DCC: variants seen among roughly 807,000 people sequenced by gnomAD.
The protein encoded by DCC is DCC netrin 1 receptor.
DCC carries 58 observed loss-of-function variants against 172.5 expected under a neutral mutation model. The observed-to-expected ratio is 0.34, with a 90% CI of 0.27 to 0.42. The LOEUF (loss-of-function observed/expected upper bound fraction) is 0.42, where lower values mean the gene tolerates loss of function less well. Ranked by LOEUF, DCC falls within the 10% of genes least tolerant of loss-of-function variation. The pLI, the probability that DCC is intolerant of heterozygous loss-of-function variation, is 1.00. For synonymous variants in DCC, 709 were observed against 644.5 expected (o/e 1.10, Z -1.52); for missense variants, 1,740 against 1,791.0 (o/e 0.97, Z 0.51).
chr18:52,977,020 G>A (rs2041129277), intron 5 of DCC, among the ~76,000 whole-genome samples: 1 of 152,198 alleles, frequency 6.6e-6, no homozygotes, highest in South Asian at 2.1e-4. Context: ...AGGCATTGGT[G>A]TGACAATGGA....
intron 2 of DCC, among the ~76,000 whole-genome samples, chr18:52,879,412 CTTTTTTTTTTTTTTTT>C (rs71175533): frequency 4.8e-5 from 3 of 62,354 alleles, no homozygotes; most frequent in Non-Finnish European, 8.7e-5. Context: ...TGTTGTTTGG[CTTTTTTTTTTTTTTTT>C]TTTTTTTTTT....
chr18:52,751,897 T>A, intron 1 of DCC, 157 bp from the exon 2 acceptor site: 3 of 654,298 alleles, frequency 4.6e-6, no homozygotes, highest in South Asian at 3.9e-5. Flanking sequence ...TTTTTGCTTA[T>A]TTAACATAAT....
At chr18:53,031,776 C>T (rs535775905) in intron 5 of DCC, among the ~76,000 whole-genome samples, 1 of 151,914 alleles carries the variant, frequency 6.6e-6, no homozygotes, top group Non-Finnish European at 1.5e-5. Flanking sequence ...GGGAAGGACT[C>T]CTAAGGTTTT....
At position 52,617,921 on chromosome 18, in the gene DCC, T is replaced by C. The variant is rs182652517; in HGVS notation, c.92-134133T>C. Among the ~76,000 whole-genome samples, 447 of 152,324 alleles carry C rather than the reference T, an allele frequency of 2.9e-3. 1 individual carries two copies. The highest frequency in any genetic ancestry group is 4.4e-3 in the Non-Finnish European group (296 of 68,022). ...AGTAACTTCTCATTCATTTGAGCCA[T>C]GTCTATATAGCCTAAGGCCTGGCTC... is the stretch of plus-strand genomic sequence containing the variant. On this transcript the variant is annotated intron_variant, in intron 1 of 28. Coordinates refer to ENST00000442544, the MANE Select transcript of DCC (RefSeq NM_005215.4).
chr18:53,241,562 A>G (rs1196827318), intron 12 of DCC, among the ~76,000 whole-genome samples: 1 of 152,072 alleles, frequency 6.6e-6, no homozygotes, highest in Non-Finnish European at 1.5e-5. Context: ...GCACACTGAG[A>G]GTGGAGAAAA....
At chr18:53,440,532 A>G (rs1912210879) in intron 22 of DCC, among the ~76,000 whole-genome samples, 10 of 152,060 alleles carry the variant, frequency 6.6e-5, no homozygotes, top group Admixed American at 6.5e-4. Context: ...TAACATTTTA[A>G]CCAATGTAAA....
intron 1 of DCC, among the ~76,000 whole-genome samples, chr18:52,740,068 C>T (rs1599063725): frequency 1.3e-5 from 2 of 152,302 alleles, no homozygotes; most frequent in South Asian, 4.1e-4. Flanking sequence ...CAGTTTCCTT[C>T]AGGTGAAGAC....
At chr18:52,552,790 CAT>C (rs1215600009) in intron 1 of DCC, among the ~76,000 whole-genome samples, 3 of 151,930 alleles carry the variant, frequency 2.0e-5, no homozygotes, top group African/African-American at 2.4e-5. Context: ...TTCTAATTGA[CAT>C]GTGTAGATGT....
At chr18:52,340,912 C>T (rs1315345797) in intron 1 of DCC, 34 bp downstream of exon 1, 2 of 1,434,534 alleles carry the variant, frequency 1.4e-6, no homozygotes, top group Admixed American at 1.7e-5. Context: ...TCGTCGCACC[C>T]CCTTCCGTAC....
chr18:52,502,255 T>C (rs2031050336), intron 1 of DCC, among the ~76,000 whole-genome samples: 1 of 152,068 alleles, frequency 6.6e-6, no homozygotes, highest in African/African-American at 2.4e-5. Context: ...AATAATGCAG[T>C]AAATAAAGAA....
At chr18:52,798,525 T>C (rs2037921204) in intron 2 of DCC, among the ~76,000 whole-genome samples, 1 of 151,958 alleles carries the variant, frequency 6.6e-6, no homozygotes, top group Admixed American at 6.5e-5. Context: ...AACTTTCTAA[T>C]ACAATTAGAG....
Position 53,124,900 on chromosome 18 carries a change from G to T in DCC, c.1262-32456G>T, listed in dbSNP as rs142250071. Among the ~76,000 whole-genome samples the T allele has an allele frequency of 2.6e-4, 40 of 151,928 alleles. 1 individual carries two copies. In the East Asian group the frequency reaches 7.4e-3, roughly 28 times the overall value. On this transcript the variant is annotated intron_variant, in intron 7 of 28. Transcript: ENST00000442544. ...CAGGAGAATAGCTTGAACCCAGGAGGTGGAGGTTGCAGTGAGCTAAGATCT... is the reference window on the plus strand; with the variant it reads ...CAGGAGAATAGCTTGAACCCAGGAGTTGGAGGTTGCAGTGAGCTAAGATCT...
chr18:53,046,853 A>T (rs960868555), intron 5 of DCC, among the ~76,000 whole-genome samples: 2 of 151,840 alleles, frequency 1.3e-5, no homozygotes, highest in African/African-American at 4.8e-5. Flanking sequence ...CAGTTCAGTG[A>T]CTTACTCTAA....
intron 5 of DCC, among the ~76,000 whole-genome samples, chr18:53,015,945 T>C (rs143299990): frequency 6.6e-6 from 1 of 152,260 alleles, no homozygotes; most frequent in East Asian, 1.9e-4. Flanking sequence ...ATATGGTGAA[T>C]ACTTTGTCAA....
intron 5 of DCC, among the ~76,000 whole-genome samples, chr18:52,998,153 A>G (rs181379712): frequency 1.6e-4 from 25 of 152,254 alleles, no homozygotes; most frequent in Middle Eastern, 6.8e-3. Flanking sequence ...TCATATGCTC[A>G]GTGGCCATAT....
At chr18:53,137,224 G>A (rs1278894127) in intron 7 of DCC, among the ~76,000 whole-genome samples, 1 of 152,154 alleles carries the variant, frequency 6.6e-6, no homozygotes, top group Non-Finnish European at 1.5e-5. Context: ...GTCTCCCCAG[G>A]CTCCAATCCA....
At chr18:52,949,457 G>C (rs765757086) in intron 5 of DCC, among the ~76,000 whole-genome samples, 2 of 152,122 alleles carry the variant, frequency 1.3e-5, no homozygotes, top group African/African-American at 4.8e-5. Context: ...AATACTCAAG[G>C]TTTTATCCTT....
chr18:52,610,533 A>C (rs1002859003), intron 1 of DCC, among the ~76,000 whole-genome samples: 5 of 151,820 alleles, frequency 3.3e-5, no homozygotes, highest in African/African-American at 1.2e-4. Flanking sequence ...TTCAAGGATA[A>C]TTCAAGGATA....
At chr18:52,576,168 A>T (rs2144767718) in intron 1 of DCC, among the ~76,000 whole-genome samples, 1 of 152,328 alleles carries the variant, frequency 6.6e-6, no homozygotes, top group South Asian at 2.1e-4. Context: ...CGGAAAAAGA[A>T]ATCAAGTTTC....
Sources: gnomAD v4.1 joint callset for allele counts (sites outside exome capture counted in the v4.1 genomes callset) on GRCh38, gnomAD v4.1.1 for gene constraint, MANE v1.5 for transcripts, NCBI Gene and HGNC (gene_info 2026-07-23, HGNC 2026-07-21) for gene names.